The following STUM variants were observed in gnomAD, a reference collection of about 807,000 sequenced individuals.
The protein encoded by STUM is stum, mechanosensory transduction mediator homolog, also known as protein stum homolog.
In STUM, 8 loss-of-function variants were observed where a neutral mutation model predicts 15.3. The observed-to-expected ratio is 0.52, with a 90% confidence interval of 0.31 to 0.94. The LOEUF (loss-of-function observed/expected upper bound fraction) is 0.94, where lower values mean the gene tolerates loss of function less well. STUM is among the 40% of genes least tolerant of loss of function. The pLI is 0.05. For synonymous variants in STUM, 78 were observed against 88.7 expected (o/e 0.88, Z 0.68); for missense variants, 142 against 204.9 (o/e 0.69, Z 1.87).
Position 226,609,160 on chromosome 1 carries a change from C to A in STUM, c.*7120C>A, listed in dbSNP as rs1439397807. 6.6e-6 allele frequency: 1 copy of A among 152,046 alleles called. No homozygotes were observed. Among genetic ancestry groups the A allele is most frequent in the East Asian group, 1.9e-4 (1 of 5,192 alleles). 9.4% of individuals were successfully genotyped at this position (152,046 alleles called of 1,614,324 possible). A position where few individuals can be genotyped will look rare whatever the true frequency, so the allele number is the denominator to read the frequency against. On this transcript the variant is annotated 3_prime_UTR_variant, in exon 4 of 4. Coordinates refer to ENST00000366788, the MANE Select transcript of STUM (RefSeq NM_001003665.4). ...ATCCTTGGAAATACGGCTTTGGAAA[C>A]CTTTTTCTTCCTTTCCCTCTTTTCT...
At chr1:226,586,496 T>C (rs1418324343) in intron 1 of STUM, among the ~76,000 whole-genome samples, 1 of 152,194 alleles carries the variant, frequency 6.6e-6, no homozygotes, top group Non-Finnish European at 1.5e-5. Context: ...GTCTCATGTC[T>C]CATGTCTTAG....
intron 1 of STUM, among the ~76,000 whole-genome samples, chr1:226,555,303 C>G (rs1454978081): frequency 1.3e-5 from 2 of 152,204 alleles, no homozygotes; most frequent in Non-Finnish European, 2.9e-5. Flanking sequence ...CAGCTCAGGC[C>G]TCTTCCCTGA....
rs191369832 is a variant in STUM at position 226,562,728 on chromosome 1, T to C, written c.202+13622T>C. 2.4e-4 allele frequency among the ~76,000 whole-genome samples: 37 copies of C among 152,248 alleles called. 1 individual carries two copies. Among genetic ancestry groups the C allele is most frequent in the Admixed American group, 2.4e-3 (37 of 15,288 alleles). ...TCAAAAGCATCATTGTCATAAAATA[T>C]TAAGGGAGTCTAAAACACATGACAG... On this transcript the variant is annotated intron_variant, in intron 1 of 3. Coordinates refer to ENST00000366788, the MANE Select transcript of STUM (RefSeq NM_001003665.4).
chr1:226,593,325 T>C lies in STUM; in HGVS notation c.203-3477T>C, dbSNP rs367657747. Among the ~76,000 whole-genome samples, 39 of 152,216 alleles carry C rather than the reference T, an allele frequency of 2.6e-4. No individual in the cohort carries two copies. In the South Asian group the frequency reaches 8.1e-3, roughly 32 times the overall value. On this transcript the variant is annotated intron_variant, in intron 1 of 3. Coordinates refer to ENST00000366788, the MANE Select transcript of STUM (RefSeq NM_001003665.4). ...TGGGGGCAAACTCTTACCCATGCAT[T>C]CAAAGCCTTCCACAAATGGCCAGAG...
intron 1 of STUM, among the ~76,000 whole-genome samples, chr1:226,584,390 G>C (rs943121885): frequency 6.6e-6 from 1 of 152,234 alleles, no homozygotes; most frequent in Non-Finnish European, 1.5e-5. Context: ...CTGGCACAGT[G>C]CCACTTCTGT....
At position 226,603,587 on chromosome 1, in the gene STUM, G is replaced by A. The variant is rs11587456; in HGVS notation, c.*1547G>A. 2.0e-5 allele frequency: 3 copies of A among 152,242 alleles called. No homozygotes were observed. The highest frequency in any genetic ancestry group is 4.4e-5 in the Non-Finnish European group (3 of 68,058). 9.4% of individuals were successfully genotyped at this position (152,242 alleles called of 1,614,324 possible). On this transcript the variant is annotated 3_prime_UTR_variant, in exon 4 of 4. Coordinates refer to ENST00000366788, the MANE Select transcript of STUM (RefSeq NM_001003665.4). ...GACTGTCAGAACTCCATGAGGGCAG[G>A]AGAAGGGATTTTGCAGGATGAAAGT...
chr1:226,584,730 C>T (rs1247394735), intron 1 of STUM, among the ~76,000 whole-genome samples: 1 of 152,202 alleles, frequency 6.6e-6, no homozygotes, highest in Non-Finnish European at 1.5e-5. Flanking sequence ...AGTCCCATGG[C>T]ATCATTTAAT....
intron 1 of STUM, among the ~76,000 whole-genome samples, chr1:226,569,586 C>A (rs1266062713): frequency 1.3e-5 from 2 of 152,322 alleles, no homozygotes; most frequent in African/African-American, 4.8e-5. Context: ...TGTAAAACCC[C>A]AGCTTCTACC....
chr1:226,580,407 G>C (rs967825980), intron 1 of STUM, among the ~76,000 whole-genome samples: 2 of 152,118 alleles, frequency 1.3e-5, no homozygotes, highest in African/African-American at 4.8e-5. Context: ...AGGTGCCCTG[G>C]GTGGAGGGGA....
rs1457615588 is a variant in STUM, at chr1:226,609,048, G to A, written c.*7008G>A. 1 of 152,178 alleles carries A rather than the reference G, an allele frequency of 6.6e-6. No homozygotes were observed. The highest frequency in any genetic ancestry group is 1.9e-4 in the East Asian group (1 of 5,204). The allele number at this position is 152,178 out of a possible 1,614,324, so 9.4% of individuals were successfully genotyped here. ...TCAAAACCTGTGTACATATTTCCAT[G>A]TACATATTTATACATACACACACCT... On this transcript the variant is annotated 3_prime_UTR_variant, in exon 4 of 4. Coordinates refer to ENST00000366788, the MANE Select transcript of STUM (RefSeq NM_001003665.4).
chr1:226,560,316 T>C (rs1667519708), intron 1 of STUM, among the ~76,000 whole-genome samples: 1 of 152,136 alleles, frequency 6.6e-6, no homozygotes, highest in Admixed American at 6.5e-5. Flanking sequence ...CAGGTGCTCT[T>C]GGGGAAGGGT....
At chr1:226,596,756 T>C in intron 1 of STUM, 46 bp from the exon 2 acceptor site, 5 of 1,560,542 alleles carry the variant, frequency 3.2e-6, no homozygotes, top group Non-Finnish European at 4.4e-6. Flanking sequence ...CAGACCCCTT[T>C]GTCTCCCAGT....
At chr1:226,591,667 C>T (rs766731974) in intron 1 of STUM, among the ~76,000 whole-genome samples, 29 of 152,130 alleles carry the variant, frequency 1.9e-4, no homozygotes, top group African/African-American at 5.6e-4. Flanking sequence ...ATAGGCTTGA[C>T]GACCTTCTGA....
chr1:226,597,041 C>A, intron 2 of STUM, 60 bp downstream of exon 2: 1 of 1,496,000 alleles, frequency 6.7e-7, no homozygotes, highest in Non-Finnish European at 9.3e-7. Flanking sequence ...ACAGGAAGGG[C>A]TTGGGAGACC....
At chr1:226,585,569 C>T (rs72752593) in intron 1 of STUM, among the ~76,000 whole-genome samples, 2,203 of 152,286 alleles carry the variant, frequency 0.014, 23 homozygotes, top group Non-Finnish European at 0.023. Flanking sequence ...AGTTGGGATT[C>T]GGACCCTGGC....
At chr1:226,593,694 C>A (rs1237370162) in intron 1 of STUM, among the ~76,000 whole-genome samples, 1 of 152,220 alleles carries the variant, frequency 6.6e-6, no homozygotes, top group East Asian at 1.9e-4. Flanking sequence ...AGAAGAACAG[C>A]TTTGCCTCTC....
chr1:226,587,872 G>A (rs1668021883), intron 1 of STUM, among the ~76,000 whole-genome samples: 2 of 152,122 alleles, frequency 1.3e-5, no homozygotes, highest in Admixed American at 6.5e-5. Flanking sequence ...GGGAACTGCC[G>A]ATAGCAGGAA....
intron 1 of STUM, among the ~76,000 whole-genome samples, chr1:226,590,344 C>T (rs1231539861): frequency 6.6e-6 from 1 of 152,166 alleles, no homozygotes; most frequent in Non-Finnish European, 1.5e-5. Context: ...CACTCTTGGC[C>T]TAAGCGAGTC....
At chr1:226,591,381 A>G (rs545088041) in intron 1 of STUM, among the ~76,000 whole-genome samples, 4 of 152,350 alleles carry the variant, frequency 2.6e-5, no homozygotes, top group Non-Finnish European at 5.9e-5. Context: ...GTGTGTCAAC[A>G]TGAGTAAAAG....
Sources: gnomAD v4.1 joint callset for allele counts (sites outside exome capture counted in the v4.1 genomes callset) on GRCh38, gnomAD v4.1.1 for gene constraint, MANE v1.5 for transcripts, NCBI Gene and HGNC (gene_info 2026-07-23, HGNC 2026-07-21) for gene names.